The following ADCY2 variants were observed in gnomAD, a reference collection of about 807,000 sequenced individuals.
ADCY2 encodes the protein adenylate cyclase type 2.
In ADCY2, 31 loss-of-function variants were observed where a neutral mutation model predicts 125.2. The observed-to-expected ratio is 0.25, with a 90% CI of 0.19 to 0.33. ADCY2 has a LOEUF of 0.33. ADCY2 is among the 10% of genes least tolerant of loss of function. ADCY2 has a pLI of 1.00. For missense variants in ADCY2, 904 were observed against 1,418.2 expected, an observed-to-expected ratio of 0.64 and a Z score of 5.82; for synonymous variants, 512 against 548.4, an observed-to-expected ratio of 0.93 and a Z score of 0.93.
chr5:7,781,742 T>G (rs1560987623), intron 18 of ADCY2, among the ~76,000 whole-genome samples: 1 of 152,224 alleles, frequency 6.6e-6, no homozygotes, highest in Non-Finnish European at 1.5e-5. Context: ...TCAACACAAC[T>G]GACTACTCTG....
chr5:7,599,293 A>AGC (rs1210585937), intron 3 of ADCY2, among the ~76,000 whole-genome samples: 1 of 152,220 alleles, frequency 6.6e-6, no homozygotes, highest in Non-Finnish European at 1.5e-5. Flanking sequence ...GAGTAGGAGA[A>AGC]GCAGGAATGA....
intron 4 of ADCY2, among the ~76,000 whole-genome samples, chr5:7,643,029 T>C (rs1275684708): frequency 6.6e-6 from 1 of 151,986 alleles, no homozygotes; most frequent in Non-Finnish European, 1.5e-5. Flanking sequence ...AATTAGAATT[T>C]TTTTTATTTT....
intron 24 of ADCY2, among the ~76,000 whole-genome samples, chr5:7,824,647 C>T (rs1745409883): frequency 6.6e-6 from 1 of 152,216 alleles, no homozygotes; most frequent in Non-Finnish European, 1.5e-5. Context: ...ACATCTGGCA[C>T]CTGTGCCTCC....
At chr5:7,549,150 G>T (rs1735245422) in intron 3 of ADCY2, among the ~76,000 whole-genome samples, 1 of 152,208 alleles carries the variant, frequency 6.6e-6, no homozygotes, top group Non-Finnish European at 1.5e-5. Flanking sequence ...TATGAAGCAG[G>T]AGTGGTGAGG....
intron 12 of ADCY2, among the ~76,000 whole-genome samples, chr5:7,720,433 A>G (rs1244110935): frequency 6.6e-6 from 1 of 152,182 alleles, no homozygotes; most frequent in Non-Finnish European, 1.5e-5. Context: ...GTTCTAGGGT[A>G]CATGTGCACA....
chr5:7,741,945 TATC>T (rs993845125), intron 14 of ADCY2, among the ~76,000 whole-genome samples: 4 of 151,976 alleles, frequency 2.6e-5, no homozygotes, highest in East Asian at 1.9e-4. Flanking sequence ...CCGTCATTAT[TATC>T]ATCATCATCA....
chr5:7,587,395 G>T (rs774720363), intron 3 of ADCY2, among the ~76,000 whole-genome samples: 2 of 152,276 alleles, frequency 1.3e-5, no homozygotes, highest in East Asian at 3.9e-4. Flanking sequence ...GCTTGATGAC[G>T]CATAGCGTTT....
At chr5:7,598,521 G>A (rs924651183) in intron 3 of ADCY2, among the ~76,000 whole-genome samples, 4 of 152,172 alleles carry the variant, frequency 2.6e-5, no homozygotes, top group Non-Finnish European at 4.4e-5. Flanking sequence ...ATTTTCTGTG[G>A]GGGGTTCTGG....
At chr5:7,724,953 C>A (rs371785437) in intron 13 of ADCY2, among the ~76,000 whole-genome samples, 2 of 152,124 alleles carry the variant, frequency 1.3e-5, no homozygotes, top group South Asian at 2.1e-4. Flanking sequence ...AAACAGAATT[C>A]TTCTTGATAA....
At chr5:7,407,465 G>A (rs548065451) in intron 1 of ADCY2, among the ~76,000 whole-genome samples, 5 of 152,216 alleles carry the variant, frequency 3.3e-5, no homozygotes, top group African/African-American at 4.8e-5. Flanking sequence ...GTCTTCTTAT[G>A]ATGGCAGGAG....
intron 3 of ADCY2, among the ~76,000 whole-genome samples, chr5:7,619,567 T>A (rs1737882991): frequency 6.6e-6 from 1 of 152,240 alleles, no homozygotes; most frequent in African/African-American, 2.4e-5. Flanking sequence ...ATGACAGTGT[T>A]CTTTTTCCTT....
Position 7,707,581 on chromosome 5 carries a change from T to C in ADCY2, c.1269-125T>C, listed in dbSNP as rs188225318. 6.3e-4 allele frequency: 711 copies of C among 1,132,162 alleles called. 5 individuals are homozygous for C. In the African/African-American group the frequency reaches 8.4e-3, roughly 13 times the overall value. The allele number at this position is 1,132,162 out of a possible 1,614,324, so 70.1% of individuals were successfully genotyped here. A position where few individuals can be genotyped will look rare whatever the true frequency, so the allele number is the denominator to read the frequency against. On this transcript the variant is annotated intron_variant, in intron 8 of 24. Transcript: ENST00000338316. ...GCAGTGGTCAATAGAATATAAACTT[T>C]AATTGCGGTCAGTGCTCCTAAGAAC...
intron 4 of ADCY2, among the ~76,000 whole-genome samples, chr5:7,666,548 G>A (rs1040372635): frequency 1.3e-5 from 2 of 152,232 alleles, no homozygotes; most frequent in African/African-American, 4.8e-5. Context: ...GTTTACAGGC[G>A]TGAGCCACTG....
At chr5:7,722,501 T>G (rs888705470) in intron 12 of ADCY2, among the ~76,000 whole-genome samples, 7 of 152,194 alleles carry the variant, frequency 4.6e-5, no homozygotes, top group Non-Finnish European at 1.0e-4. Context: ...TTGTCTTAAG[T>G]TGTATTTTCT....
At chr5:7,693,406 GTTTTTTGTTT>G (rs1214781856) in intron 5 of ADCY2, among the ~76,000 whole-genome samples, 7 of 58,668 alleles carry the variant, frequency 1.2e-4, no homozygotes, top group South Asian at 7.4e-4. Context: ...ATTGCCTGCT[GTTTTTTGTTT>G]TTTTTTTTTT....
intron 3 of ADCY2, among the ~76,000 whole-genome samples, chr5:7,589,484 AAG>A (rs1579604750): frequency 1.6e-5 from 1 of 64,250 alleles, no homozygotes; most frequent in African/African-American, 3.5e-5. Context: ...GAAAGAAAGA[AAG>A]AAAGAAAGAA....
At chr5:7,413,099 G>GT (rs1461094827) in intron 1 of ADCY2, among the ~76,000 whole-genome samples, 1 of 152,148 alleles carries the variant, frequency 6.6e-6, no homozygotes, top group Admixed American at 6.5e-5. Context: ...ACTCCGTGTG[G>GT]ATTTTTGGCT....
intron 2 of ADCY2, among the ~76,000 whole-genome samples, chr5:7,456,992 A>G (rs763724317): frequency 2.6e-5 from 4 of 152,162 alleles, no homozygotes; most frequent in Admixed American, 1.3e-4. Context: ...AAAAGCTGGG[A>G]ACTTGTTGGA....
chr5:7,707,347 C>A (rs1741297445), intron 8 of ADCY2, among the ~76,000 whole-genome samples: 1 of 152,158 alleles, frequency 6.6e-6, no homozygotes, highest in East Asian at 1.9e-4. Flanking sequence ...AGCACGAGAG[C>A]AAGCACTGAG....
Sources: allele counts gnomAD v4.1 joint callset (sites outside exome capture counted in the v4.1 genomes callset), GRCh38; gene constraint gnomAD v4.1.1; transcripts MANE v1.5; gene names NCBI Gene and HGNC (gene_info 2026-07-23, HGNC 2026-07-21).